Variants in MROH9 observed in about 807,000 individuals in gnomAD.
MROH9 encodes the protein maestro heat like repeat family member 9, also known as maestro heat-like repeat-containing protein family member 9.
Under a neutral mutation model 98.2 loss-of-function variants are expected in MROH9, and 92 were observed. That is an observed-to-expected ratio of 0.94 (90% confidence interval 0.79 to 1.11). The LOEUF is 1.11. Ranked by LOEUF, MROH9 falls within the 50% of genes most tolerant of loss-of-function variation. The probability of loss-of-function intolerance (pLI) is 0.00; values close to 1 mark genes in which losing one functional copy is unlikely to be tolerated. For missense variants in MROH9, 1,057 were observed against 1,014.8 expected, an observed-to-expected ratio of 1.04 and a Z score of -0.57; for synonymous variants, 397 against 368.9, an observed-to-expected ratio of 1.08 and a Z score of -0.87.
At chr1:171,042,938 G>T (rs1653354054) in intron 20 of MROH9, among the ~76,000 whole-genome samples, 1 of 152,100 alleles carries the variant, frequency 6.6e-6, no homozygotes, top group African/African-American at 2.4e-5. Flanking sequence ...TGTGTGGGTT[G>T]TCTCTTCACT....
chr1:171,022,325 T>A (rs1287032914), intron 17 of MROH9, among the ~76,000 whole-genome samples: 1 of 152,162 alleles, frequency 6.6e-6, no homozygotes, highest in Non-Finnish European at 1.5e-5. Flanking sequence ...CTACTTACAG[T>A]AGCAAAGTCA....
At chr1:170,985,741 C>T (rs2101802041) in intron 9 of MROH9, among the ~76,000 whole-genome samples, 1 of 149,712 alleles carries the variant, frequency 6.7e-6, no homozygotes, top group East Asian at 2.0e-4. Flanking sequence ...CTCTCCAAGC[C>T]TTGGTTACCC....
intron 6 of MROH9, among the ~76,000 whole-genome samples, chr1:170,963,797 A>C (rs2101895400): frequency 6.6e-6 from 1 of 152,266 alleles, no homozygotes; most frequent in Middle Eastern, 3.4e-3. Flanking sequence ...AAACATGAAC[A>C]CATATTGGGG....
intron 20 of MROH9, among the ~76,000 whole-genome samples, chr1:171,033,391 G>A (rs1197743950): frequency 3.9e-5 from 6 of 152,344 alleles, no homozygotes; most frequent in Admixed American, 3.3e-4. Context: ...CCCCAGTGGC[G>A]TGGGTTCGTG....
chr1:170,994,298 G>C (rs1422486151), intron 12 of MROH9, among the ~76,000 whole-genome samples: 1 of 152,100 alleles, frequency 6.6e-6, no homozygotes, highest in African/African-American at 2.4e-5. Context: ...TGTGAATATG[G>C]TTTGTCTGCC....
chr1:170,961,776 T>C (rs978787592), intron 5 of MROH9, 114 bp from the exon 6 acceptor site: 1 of 458,684 alleles, frequency 2.2e-6, no homozygotes, highest in Non-Finnish European at 3.9e-6. Flanking sequence ...CACTGATTTA[T>C]GTTCAAGGAA....
intron 20 of MROH9, among the ~76,000 whole-genome samples, chr1:171,054,920 A>G (rs1571172095): frequency 6.6e-6 from 1 of 152,204 alleles, no homozygotes; most frequent in Admixed American, 6.5e-5. Flanking sequence ...CTAAACTAGT[A>G]CAGCCATTAT....
chr1:171,029,315 A>G (rs1652829931), intron 20 of MROH9, among the ~76,000 whole-genome samples: 1 of 151,888 alleles, frequency 6.6e-6, no homozygotes, highest in Non-Finnish European at 1.5e-5. Flanking sequence ...GGTTCCAGCG[A>G]TTCTCCTGCC....
chr1:171,046,410 C>G (rs1038893986), intron 20 of MROH9, among the ~76,000 whole-genome samples: 1 of 152,030 alleles, frequency 6.6e-6, no homozygotes, highest in Non-Finnish European at 1.5e-5. Flanking sequence ...AGGTGATTTT[C>G]TCTGGCAGTA....
At position 171,016,319 on chromosome 1, in the gene MROH9, T is replaced by C. The variant is rs1343486471; in HGVS notation, c.1891T>C (p.Cys631Arg). 3.3e-6 allele frequency: 5 copies of C among 1,521,362 alleles called. No homozygotes were observed. The highest frequency in any genetic ancestry group is 1.7e-4 in the Middle Eastern group (1 of 5,878). 94.2% of individuals were successfully genotyped at this position (1,521,362 alleles called of 1,614,324 possible). Residue 631 changes from cysteine (C) to arginine (R), a missense_variant, in exon 17 of 22, where the codon TGT becomes CGT. Physicochemically the swap from Cys to Arg is radical, Grantham distance 180 (BLOSUM62 -3). Transcript: ENST00000367759. ...SLGTRIGSSYCTLMDHINGGI... is the reference protein window; with the variant it reads ...SLGTRIGSSYRTLMDHINGGI... ...GGGTACCAGAATTGGTTCCAGCTACTGTACTCTGATGGATCATGTGAGTTA... is the reference window on the plus strand; with the variant it reads ...GGGTACCAGAATTGGTTCCAGCTACCGTACTCTGATGGATCATGTGAGTTA...
chr1:171,036,332 C>T lies in MROH9; in HGVS notation c.2281+10912C>T, dbSNP rs530626816. Among the ~76,000 whole-genome samples, 9 of 152,062 alleles carry T rather than the reference C, an allele frequency of 5.9e-5. No homozygotes were observed. In the South Asian group the frequency reaches 1.7e-3, roughly 28 times the overall value. On this transcript the variant is annotated intron_variant, in intron 20 of 21. Transcript: ENST00000367759. ...CATGTGCTGTACTTTTATATGTGTACTTTTTCATACATGCGTTATACCTAG... is the reference window on the plus strand; with the variant it reads ...CATGTGCTGTACTTTTATATGTGTATTTTTTCATACATGCGTTATACCTAG...
intron 15 of MROH9, among the ~76,000 whole-genome samples, chr1:171,005,435 G>C (rs1651923061): frequency 1.3e-5 from 2 of 152,146 alleles, no homozygotes; most frequent in African/African-American, 4.8e-5. Context: ...TTCCATGTAT[G>C]TGTGTCTTCA....
At chr1:170,935,769 G>A (rs534644038) in intron 1 of MROH9, among the ~76,000 whole-genome samples, 182 bp downstream of exon 1, 31 of 151,898 alleles carry the variant, frequency 2.0e-4, no homozygotes, top group South Asian at 4.2e-4. Context: ...GGCTGTGGGC[G>A]GATCATGAGG....
intron 13 of MROH9, among the ~76,000 whole-genome samples, chr1:170,995,833 G>C (rs1651547175): frequency 6.6e-6 from 1 of 152,114 alleles, no homozygotes; most frequent in South Asian, 2.1e-4. Context: ...AAAGAGAGCA[G>C]AGCATTAAAT....
chr1:170,943,804 A>G (rs1649216613), intron 1 of MROH9, among the ~76,000 whole-genome samples: 1 of 152,082 alleles, frequency 6.6e-6, no homozygotes, highest in Admixed American at 6.5e-5. Flanking sequence ...TGTGAAAAAA[A>G]ATCAAGGAAT....
chr1:170,974,892 TCTC>T (rs1391203680), intron 8 of MROH9, among the ~76,000 whole-genome samples: 2 of 151,970 alleles, frequency 1.3e-5, no homozygotes, highest in African/African-American at 4.8e-5. Context: ...TTAAAATTCT[TCTC>T]CTATGCACAA....
intron 20 of MROH9, among the ~76,000 whole-genome samples, chr1:171,050,991 C>G (rs1464513370): frequency 6.6e-6 from 1 of 152,038 alleles, no homozygotes; most frequent in East Asian, 1.9e-4. Context: ...CATCCTACAT[C>G]CTTGGAATGA....
chr1:171,052,179 A>T (rs1257313737), intron 20 of MROH9, among the ~76,000 whole-genome samples: 1 of 152,146 alleles, frequency 6.6e-6, no homozygotes, highest in East Asian at 1.9e-4. Flanking sequence ...GTGTGCATAG[A>T]GATGCTTATA....
At chr1:171,036,579 G>A (rs1344128234) in intron 20 of MROH9, among the ~76,000 whole-genome samples, 1 of 151,804 alleles carries the variant, frequency 6.6e-6, no homozygotes, top group African/African-American at 2.4e-5. Context: ...AGGTGCATCT[G>A]GAGACATGTA....
Sources: gnomAD v4.1 joint callset for allele counts (sites outside exome capture counted in the v4.1 genomes callset) on GRCh38, gnomAD v4.1.1 for gene constraint, MANE v1.5 for transcripts, NCBI Gene and HGNC (gene_info 2026-07-23, HGNC 2026-07-21) for gene names.